The following EFCAB11 variants were observed in gnomAD, a reference collection of about 807,000 sequenced individuals.
EFCAB11 encodes EF-hand calcium binding domain 11, also known as EF-hand calcium-binding domain-containing protein 11.
Under a neutral mutation model 23.0 loss-of-function variants are expected in EFCAB11, and 14 were observed. The ratio of observed to expected loss-of-function variants is 0.61; its 90% CI spans 0.40 to 0.95. EFCAB11 has a LOEUF of 0.95. Ranked by LOEUF, EFCAB11 falls within the 40% of genes least tolerant of loss-of-function variation. The probability of loss-of-function intolerance (pLI) is 0.00; values close to 1 mark genes in which losing one functional copy is unlikely to be tolerated. For synonymous variants in EFCAB11, 65 were observed against 66.6 expected, an observed-to-expected ratio of 0.98 and a Z score of 0.11; for missense variants, 198 against 195.8, an observed-to-expected ratio of 1.01 and a Z score of -0.07.
chr14:89,841,698 TG>T (rs774686494), intron 5 of EFCAB11, among the ~76,000 whole-genome samples: 37 of 152,074 alleles, frequency 2.4e-4, no homozygotes, highest in Non-Finnish European at 4.7e-4. Flanking sequence ...GTTACTTCTC[TG>T]GGCACTGTTT....
At chr14:89,949,601 G>C (rs911804012) in intron 3 of EFCAB11, among the ~76,000 whole-genome samples, 9 of 152,114 alleles carry the variant, frequency 5.9e-5, no homozygotes, top group African/African-American at 1.9e-4. Context: ...CCTGACCTCA[G>C]ACGATCCACC....
intron 5 of EFCAB11, among the ~76,000 whole-genome samples, chr14:89,884,993 G>C (rs1167305147): frequency 6.6e-6 from 1 of 152,200 alleles, no homozygotes; most frequent in Non-Finnish European, 1.5e-5. Flanking sequence ...TCTGATTGCA[G>C]ACTTCGCAGT....
At chr14:89,913,281 A>G (rs1889738479) in intron 5 of EFCAB11, among the ~76,000 whole-genome samples, 1 of 152,132 alleles carries the variant, frequency 6.6e-6, no homozygotes, top group Non-Finnish European at 1.5e-5. Flanking sequence ...CGGACATGAT[A>G]CTCCATATTT....
chr14:89,862,255 G>A (rs1566787933), intron 5 of EFCAB11, among the ~76,000 whole-genome samples: 2 of 152,164 alleles, frequency 1.3e-5, no homozygotes, highest in Admixed American at 6.5e-5. Flanking sequence ...TGTTTCAACT[G>A]TAACAGTTAT....
chr14:89,925,707 G>A (rs1421588988), intron 5 of EFCAB11, among the ~76,000 whole-genome samples: 2 of 148,606 alleles, frequency 1.3e-5, no homozygotes, highest in African/African-American at 5.0e-5. Flanking sequence ...GTGCAATGGC[G>A]CAGCCTGGGC....
chr14:89,921,155 G>A lies in EFCAB11; in HGVS notation c.410+10386C>T, dbSNP rs374891446. ...GGATACCATTCAGATATGTGGATGG[G>A]GTAGTGGGAGGAAGAGGAAAGAGAG... On this transcript the variant is annotated intron_variant, in intron 5 of 5. Transcript: ENST00000316738. Among the ~76,000 whole-genome samples, 9 of 152,096 alleles carry A rather than the reference G, an allele frequency of 5.9e-5. No individual in the cohort carries two copies. The East Asian group carries it at 1.7e-3, about 29-fold the overall frequency.
intron 5 of EFCAB11, among the ~76,000 whole-genome samples, chr14:89,853,862 G>A (rs1304605124): frequency 6.6e-6 from 1 of 152,064 alleles, no homozygotes; most frequent in East Asian, 1.9e-4. Context: ...GAAGAGTTAG[G>A]CAATATTTGT....
intron 5 of EFCAB11, among the ~76,000 whole-genome samples, chr14:89,864,865 T>C (rs1888035103): frequency 6.6e-6 from 1 of 152,246 alleles, no homozygotes; most frequent in African/African-American, 2.4e-5. Flanking sequence ...CCAGGGTCCC[T>C]GTGATTTGGG....
chr14:89,930,799 G>A lies in EFCAB11; in HGVS notation c.410+742C>T, dbSNP rs1596461415. 2.0e-5 allele frequency among the ~76,000 whole-genome samples: 3 copies of A among 152,214 alleles called. No homozygotes were observed. In the South Asian group the frequency reaches 6.2e-4, roughly 32 times the overall value. On this transcript the variant is annotated intron_variant, in intron 5 of 5. Transcript: ENST00000316738. ...TATTTTTTGAGTTTCCGTTCTTTTG[G>A]GTTTTCTGGCTCTCGCTGGTGTGCT...
rs191015881 is a variant in EFCAB11 at position 89,827,876 on chromosome 14, G to A, written c.411-30552C>T. 1.6e-3 allele frequency among the ~76,000 whole-genome samples: 248 copies of A among 151,974 alleles called. 1 individual carries two copies. Among genetic ancestry groups the A allele is most frequent in the Non-Finnish European group, 2.9e-3 (194 of 67,952 alleles). On this transcript the variant is annotated intron_variant, in intron 5 of 5. Coordinates refer to ENST00000316738, the MANE Select transcript of EFCAB11 (RefSeq NM_145231.4). ...TCGAACTCCCGACCTCAGGTGATCC[G>A]CCTGCCTCGGCCTCCCAAAGTGCTG... is the stretch of plus-strand genomic sequence containing the variant.
intron 5 of EFCAB11, chr14:89,892,195 C>G: frequency 6.3e-7 from 1 of 1,587,910 alleles, no homozygotes; most frequent in Non-Finnish European, 8.6e-7. Context: ...TGCAGAGCAC[C>G]CGCTGTGTCT....
chr14:89,938,496 C>T (rs949940694), intron 3 of EFCAB11, among the ~76,000 whole-genome samples: 19 of 151,980 alleles, frequency 1.3e-4, no homozygotes, highest in African/African-American at 4.1e-4. Flanking sequence ...TGAGTTGTCA[C>T]CTATGATAAA....
chr14:89,865,646 C>T (rs534974219), intron 5 of EFCAB11, among the ~76,000 whole-genome samples: 5 of 152,000 alleles, frequency 3.3e-5, no homozygotes, highest in Non-Finnish European at 5.9e-5. Flanking sequence ...GAACTACAGG[C>T]GCATGCCACC....
At chr14:89,816,582 TC>T (rs1886345002) in intron 5 of EFCAB11, among the ~76,000 whole-genome samples, 1 of 152,228 alleles carries the variant, frequency 6.6e-6, no homozygotes, top group Admixed American at 6.5e-5. Flanking sequence ...ATCTTTAACT[TC>T]TGAAAACTAA....
At position 89,902,724 on chromosome 14, in the gene EFCAB11, C is replaced by T. The variant is rs1301052365; in HGVS notation, c.410+28817G>A. 2.0e-5 allele frequency among the ~76,000 whole-genome samples: 3 copies of T among 152,256 alleles called. No individual in the cohort carries two copies. In the South Asian group the frequency reaches 6.2e-4, roughly 32 times the overall value. ...TGATACCACTCAGAACACCACTGAA[C>T]TAAATGCTGTTATTTAATTTACGTA... On this transcript the variant is annotated intron_variant, in intron 5 of 5. Transcript: ENST00000316738.
At chr14:89,835,143 A>T (rs1163182725) in intron 5 of EFCAB11, among the ~76,000 whole-genome samples, 1 of 152,170 alleles carries the variant, frequency 6.6e-6, no homozygotes, top group African/African-American at 2.4e-5. Context: ...GGAGCCTGAG[A>T]AAAGTGGCAA....
chr14:89,890,453 C>A (rs571665495), intron 5 of EFCAB11, among the ~76,000 whole-genome samples: 1 of 152,150 alleles, frequency 6.6e-6, no homozygotes, highest in East Asian at 1.9e-4. Flanking sequence ...ATATCTCTTA[C>A]AAATAAGTGA....
intron 5 of EFCAB11, among the ~76,000 whole-genome samples, chr14:89,837,521 A>C (rs1234495768): frequency 6.6e-6 from 1 of 152,206 alleles, no homozygotes; most frequent in East Asian, 1.9e-4. Context: ...GGGCACCTCA[A>C]ATGACCTTGT....
chr14:89,935,678 C>T (rs1186304340), intron 3 of EFCAB11, among the ~76,000 whole-genome samples: 1 of 152,180 alleles, frequency 6.6e-6, no homozygotes, highest in East Asian at 1.9e-4. Context: ...AGTTCCAGAC[C>T]AGCATGGCCA....
Sources: gnomAD v4.1 joint callset for allele counts (sites outside exome capture counted in the v4.1 genomes callset) on GRCh38, gnomAD v4.1.1 for gene constraint, MANE v1.5 for transcripts, NCBI Gene and HGNC (gene_info 2026-07-23, HGNC 2026-07-21) for gene names.